The following PTCHD4 variants were observed in gnomAD, a reference collection of about 807,000 sequenced individuals.
PTCHD4 encodes the protein patched domain containing 4.
In PTCHD4, 33 loss-of-function variants were observed where a neutral mutation model predicts 58.1. The observed-to-expected ratio is 0.57, with a 90% CI of 0.43 to 0.76. The LOEUF (loss-of-function observed/expected upper bound fraction) is 0.76, where lower values mean the gene tolerates loss of function less well. Among genes scored for constraint, PTCHD4 ranks in the 30% least tolerant of loss-of-function variants. PTCHD4 has a pLI of 0.00. For synonymous variants in PTCHD4, 478 were observed against 409.6 expected (o/e 1.17, Z -2.02); for missense variants, 1,058 against 1,027.1 (o/e 1.03, Z -0.41).
At chr6:48,084,621 G>A (rs1283942909) in intron 1 of PTCHD4, among the ~76,000 whole-genome samples, 2 of 151,918 alleles carry the variant, frequency 1.3e-5, no homozygotes, top group Non-Finnish European at 2.9e-5. Flanking sequence ...GCACTATTTG[G>A]CTTTTCTTAA....
At chr6:47,879,985 G>A in intron 4 of PTCHD4, 49 bp from the exon 5 acceptor site, 1 of 1,329,290 alleles carries the variant, frequency 7.5e-7, no homozygotes, top group Non-Finnish European at 1.0e-6. Context: ...TTCCTCCTAT[G>A]GCTCAAGTGA....
At chr6:48,011,722 T>C in intron 3 of PTCHD4, among the ~76,000 whole-genome samples, 1 of 152,238 alleles carries the variant, frequency 6.6e-6, no homozygotes. Context: ...CATTTAAGTC[T>C]TTAATCCATC....
chr6:48,032,731 C>G (rs1763494013), intron 3 of PTCHD4, among the ~76,000 whole-genome samples: 1 of 152,022 alleles, frequency 6.6e-6, no homozygotes, highest in Admixed American at 6.6e-5. Flanking sequence ...TGCAAGGAAA[C>G]TTTTTATCTG....
At chr6:47,931,311 C>T (rs1395394697) in intron 4 of PTCHD4, among the ~76,000 whole-genome samples, 1 of 152,220 alleles carries the variant, frequency 6.6e-6, no homozygotes, top group Non-Finnish European at 1.5e-5. Context: ...TTAACCACCA[C>T]ACATGCAAAT....
chr6:47,992,726 A>G (rs1768327413), intron 4 of PTCHD4, among the ~76,000 whole-genome samples: 1 of 152,164 alleles, frequency 6.6e-6, no homozygotes, highest in Non-Finnish European at 1.5e-5. Flanking sequence ...TAGTATCTGG[A>G]TGGTGGTTTG....
chr6:47,921,312 T>C (rs1765425150), intron 4 of PTCHD4, among the ~76,000 whole-genome samples: 1 of 152,202 alleles, frequency 6.6e-6, no homozygotes, highest in South Asian at 2.1e-4. Flanking sequence ...TTCACCATCC[T>C]ATTTGCTATC....
chr6:47,864,411 G>A lies in PTCHD4; in HGVS notation c.*13892C>T, dbSNP rs186949306. ...TAGTGGCTGCCTCTCATTTCTCTTT[G>A]CATTTACTCTCTATGTGTCTGGCAC... On this transcript the variant is annotated 3_prime_UTR_variant, in exon 5 of 5. Coordinates refer to ENST00000339488, the MANE Select transcript of PTCHD4 (RefSeq NM_001384253.1). Among the ~76,000 whole-genome samples the A allele has an allele frequency of 3.3e-5, 5 of 151,708 alleles. 1 individual carries two copies. In the South Asian group the frequency reaches 8.3e-4, roughly 25 times the overall value.
At position 48,068,911 on chromosome 6, in the gene PTCHD4, C is replaced by T. The variant is rs547165927; in HGVS notation, c.5+42G>A. Among the ~76,000 whole-genome samples, 17 of 151,796 alleles carry T rather than the reference C, an allele frequency of 1.1e-4. No homozygotes were observed. The highest frequency in any genetic ancestry group is 3.4e-3 in the Middle Eastern group (1 of 292). ...GGCGCCGCGGGGCCCACCCCCTCCC[C>T]GGTCTCCCCGCGCCCTCGCCGCCTC... On this transcript the variant is annotated intron_variant, in intron 2 of 4. Coordinates refer to ENST00000339488, the MANE Select transcript of PTCHD4 (RefSeq NM_001384253.1). The surrounding 1 kb of genome is among the most constrained non-coding windows in gnomAD (Gnocchi z 4.2).
intron 3 of PTCHD4, among the ~76,000 whole-genome samples, chr6:48,054,445 TTATGGAAGCATA>T (rs1764340711): frequency 1.3e-5 from 2 of 152,272 alleles, no homozygotes; most frequent in South Asian, 4.1e-4. Flanking sequence ...AAGTTTAAAC[TTATGGAAGCATA>T]AATTTCATAA....
intron 4 of PTCHD4, among the ~76,000 whole-genome samples, chr6:47,920,310 C>T (rs913844636): frequency 4.6e-5 from 7 of 152,014 alleles, no homozygotes; most frequent in African/African-American, 7.2e-5. Flanking sequence ...TATGTATATA[C>T]GATGATGATT....
At chr6:48,032,576 A>G (rs1763486840) in intron 3 of PTCHD4, among the ~76,000 whole-genome samples, 4 of 152,176 alleles carry the variant, frequency 2.6e-5, no homozygotes, top group African/African-American at 9.6e-5. Flanking sequence ...GCTCTTATTT[A>G]CAAAGCAATA....
At position 47,863,260 on chromosome 6, in the gene PTCHD4, ATT is replaced by A. The variant is rs1763476041; in HGVS notation, c.*15041_*15042del. Among the ~76,000 whole-genome samples, 1 of 151,860 alleles carries A rather than the reference ATT, an allele frequency of 6.6e-6. No homozygotes were observed. The highest frequency in any genetic ancestry group is 2.4e-5 in the African/African-American group (1 of 41,396). ...ATGCAAAAATATCATACATTTGAAA[ATT>A]TTATATAAACATAAGATGTGAACAT... is the stretch of plus-strand genomic sequence containing the variant. On this transcript the variant is annotated 3_prime_UTR_variant, in exon 5 of 5. Transcript: ENST00000339488.
At chr6:48,049,159 C>G (rs1764143965) in intron 3 of PTCHD4, among the ~76,000 whole-genome samples, 1 of 151,814 alleles carries the variant, frequency 6.6e-6, no homozygotes, top group African/African-American at 2.4e-5. Context: ...TGTTTGGAGA[C>G]TTTGTTTTTG....
At chr6:47,895,394 A>C (rs1016212790) in intron 4 of PTCHD4, among the ~76,000 whole-genome samples, 62 of 152,190 alleles carry the variant, frequency 4.1e-4, no homozygotes, top group African/African-American at 8.2e-4. Context: ...GACTGACAAC[A>C]ACCTAGGTTT....
intron 3 of PTCHD4, among the ~76,000 whole-genome samples, chr6:48,052,675 C>T (rs1221400659): frequency 1.3e-5 from 2 of 151,978 alleles, no homozygotes; most frequent in African/African-American, 4.8e-5. Context: ...AAGGCAGATA[C>T]GGATTCAACT....
At chr6:48,040,612 T>C (rs1194395147) in intron 3 of PTCHD4, among the ~76,000 whole-genome samples, 1 of 152,096 alleles carries the variant, frequency 6.6e-6, no homozygotes, top group Non-Finnish European at 1.5e-5. Flanking sequence ...CTTTAGAGCA[T>C]GGTAGAGGTA....
chr6:47,946,280 T>C (rs906729359), intron 4 of PTCHD4, among the ~76,000 whole-genome samples: 1 of 152,172 alleles, frequency 6.6e-6, no homozygotes, highest in African/African-American at 2.4e-5. Context: ...TATCAATTAT[T>C]GAGAGAAGTT....
At chr6:47,947,426 G>A (rs549192612) in intron 4 of PTCHD4, among the ~76,000 whole-genome samples, 4 of 151,606 alleles carry the variant, frequency 2.6e-5, no homozygotes, top group African/African-American at 9.7e-5. Context: ...CCTTCCTTTT[G>A]AGGTCATTTT....
At chr6:48,083,154 A>C (rs1765198760) in intron 1 of PTCHD4, among the ~76,000 whole-genome samples, 1 of 150,448 alleles carries the variant, frequency 6.6e-6, no homozygotes, top group Non-Finnish European at 1.5e-5. Context: ...ATATATATTC[A>C]TATATACATA....
Sources: allele counts gnomAD v4.1 joint callset (sites outside exome capture counted in the v4.1 genomes callset), GRCh38; gene constraint gnomAD v4.1.1; non-coding constraint Gnocchi (gnomAD v3.1); transcripts MANE v1.5; gene names NCBI Gene and HGNC (gene_info 2026-07-23, HGNC 2026-07-21).